RGS16: variants seen among roughly 807,000 people sequenced by gnomAD.
RGS16 encodes the protein regulator of G protein signaling 16, also known as hRGS-r.
Under a neutral mutation model 18.1 loss-of-function variants are expected in RGS16, and 12 were observed. The observed-to-expected ratio is 0.66, with a 90% confidence interval of 0.42 to 1.07. The LOEUF (loss-of-function observed/expected upper bound fraction) is 1.07. RGS16 is among the 50% of genes least tolerant of loss of function. RGS16 has a pLI of 0.00. For missense variants in RGS16, 238 were observed against 249.2 expected (o/e 0.95, Z 0.30); for synonymous variants, 88 against 102.0 (o/e 0.86, Z 0.83).
chr1:182,602,224 AT>A, intron 3 of RGS16, 92 bp from the exon 4 acceptor site: 1 of 1,400,670 alleles, frequency 7.1e-7, no homozygotes, highest in Non-Finnish European at 1.0e-6. Flanking sequence ...TAATGGCTCT[AT>A]TTTTAGAACA....
rs1245306772 is a variant in RGS16 at position 182,599,470 on chromosome 1, CAGAG to C, written c.*818_*821del. The C allele has an allele frequency of 2.6e-5, 4 of 152,542 alleles. No individual in the cohort carries two copies. Among genetic ancestry groups the C allele is most frequent in the Non-Finnish European group, 5.9e-5 (4 of 68,140 alleles). 9.4% of individuals were successfully genotyped at this position (152,542 alleles called of 1,614,324 possible). On this transcript the variant is annotated 3_prime_UTR_variant, in exon 5 of 5. Coordinates refer to ENST00000367558, the MANE Select transcript of RGS16 (RefSeq NM_002928.4). ...TGCCTCCAAGAGACAGCACAGAACT[CAGAG>C]AGGGCACATCCAGGAAGAGGCCCCA...
At chr1:182,603,398 G>A (rs1661899799) in intron 1 of RGS16, 59 bp from the exon 2 acceptor site, 2 of 1,412,166 alleles carry the variant, frequency 1.4e-6, no homozygotes, top group African/African-American at 2.8e-5. Context: ...AGTGTGGAGA[G>A]GTTTATGGGT....
At chr1:182,603,791 G>C (rs72725083) in intron 1 of RGS16, among the ~76,000 whole-genome samples, 1 of 151,574 alleles carries the variant, frequency 6.6e-6, no homozygotes, top group Non-Finnish European at 1.5e-5. Flanking sequence ...TCAACAGTGG[G>C]AGCCCCCACC....
chr1:182,603,184 C>T, intron 2 of RGS16, 45 bp downstream of exon 2: 1 of 1,396,350 alleles, frequency 7.2e-7, no homozygotes, highest in Non-Finnish European at 1.0e-6. Flanking sequence ...ACTCCCTTCC[C>T]ACTCCCTTCC....
intron 2 of RGS16, 70 bp downstream of exon 2, chr1:182,603,159 A>T: frequency 8.9e-7 from 1 of 1,121,808 alleles, no homozygotes; most frequent in Non-Finnish European, 1.4e-6. Flanking sequence ...TTCTCCCTGT[A>T]TTTCCCTCCT....
intron 4 of RGS16, among the ~76,000 whole-genome samples, chr1:182,601,701 G>A (rs1661865193): frequency 6.6e-6 from 1 of 152,172 alleles, no homozygotes; most frequent in African/African-American, 2.4e-5. Flanking sequence ...CTCTAAAAAC[G>A]GATGGGTTTA....
chr1:182,602,314 C>T, intron 3 of RGS16, 106 bp downstream of exon 3: 2 of 1,080,394 alleles, frequency 1.9e-6, no homozygotes, highest in Non-Finnish European at 2.8e-6. Flanking sequence ...ATTATTATTA[C>T]TACTACTATT....
At position 182,600,236 on chromosome 1, in the gene RGS16, C is replaced by A; in HGVS notation, c.*56G>T. The A allele has an allele frequency of 1.4e-6, 2 of 1,461,812 alleles. No homozygotes were observed. Among genetic ancestry groups the A allele is most frequent in the South Asian group, 1.1e-5 (1 of 88,082 alleles). 90.6% of individuals were successfully genotyped at this position (1,461,812 alleles called of 1,614,324 possible). A position where few individuals can be genotyped will look rare whatever the true frequency, so the allele number is the denominator to read the frequency against. ...GCCTCCCACACAGGGGCAGCCACCT[C>A]GGGGATGGGTGACTCAACCTCTCTT... On this transcript the variant is annotated 3_prime_UTR_variant, in exon 5 of 5. Transcript: ENST00000367558.
chr1:182,602,164 C>G lies in RGS16; in HGVS notation c.221-32G>C. The G allele has an allele frequency of 1.9e-6, 3 of 1,609,502 alleles. No homozygotes were observed. The East Asian group carries it at 6.7e-5, about 36-fold the overall frequency. On this transcript the variant is annotated intron_variant, in intron 3 of 4. Transcript: ENST00000367558. ...TTGCGGGAAAGAAGAGGAAATAGGT[C>G]AGCTGGAGGGACAGCAGGGAATACA...
Position 182,600,288 on chromosome 1 carries a change from A to C in RGS16, c.*4T>G. The stretch of plus-strand genomic sequence containing the variant: ...CCGGCTGGCTTCCTCACTGCCGTGG[A>C]GACTCAGGTGTGTGAGGGCTCGTCC... On this transcript the variant is annotated 3_prime_UTR_variant, in exon 5 of 5. Coordinates refer to ENST00000367558, the MANE Select transcript of RGS16 (RefSeq NM_002928.4). 6.2e-7 allele frequency: 1 copy of C among 1,608,358 alleles called. No homozygotes were observed. Among genetic ancestry groups the C allele is most frequent in the South Asian group, 1.1e-5 (1 of 90,952 alleles).
chr1:182,601,341 AT>A (rs1351843052), intron 4 of RGS16, among the ~76,000 whole-genome samples: 21 of 152,292 alleles, frequency 1.4e-4, no homozygotes, highest in African/African-American at 5.1e-4. Context: ...TATAAGTTTC[AT>A]TAGGTAAGGG....
chr1:182,600,600 A>C, intron 4 of RGS16, 87 bp from the exon 5 acceptor site: 1 of 1,072,442 alleles, frequency 9.3e-7, no homozygotes, highest in South Asian at 1.3e-5. Context: ...GGGCATTGGA[A>C]AGAGCATCGG....
Position 182,604,368 on chromosome 1 carries a change from T to C in RGS16, c.-109A>G. The C allele has an allele frequency of 2.5e-6, 3 of 1,177,356 alleles. No homozygotes were observed. The highest frequency in any genetic ancestry group is 3.5e-6 in the Non-Finnish European group (3 of 850,238). The allele number at this position is 1,177,356 out of a possible 1,614,324, so 72.9% of individuals were successfully genotyped here. A position where few individuals can be genotyped will look rare whatever the true frequency, so the allele number is the denominator to read the frequency against. On this transcript the variant is annotated 5_prime_UTR_variant, in exon 1 of 5. Transcript: ENST00000367558. The stretch of plus-strand genomic sequence containing the variant: ...GGTAGCAGGTGCTAGTCAACTGCGG[T>C]TGGGTTTAGCAGCCTGCAAGCGCCC...
chr1:182,600,652 C>A, intron 4 of RGS16, 139 bp from the exon 5 acceptor site: 1 of 678,804 alleles, frequency 1.5e-6, no homozygotes, highest in Non-Finnish European at 2.7e-6. Context: ...TGATCACTAG[C>A]TTTTCAGCTC....
intron 4 of RGS16, 44 bp downstream of exon 4, chr1:182,601,922 C>G: frequency 1.9e-6 from 3 of 1,609,482 alleles, no homozygotes; most frequent in East Asian, 2.2e-5. Flanking sequence ...GGGGAAGGAG[C>G]AGGCAGGGTC....
chr1:182,600,472 G>T lies in RGS16; in HGVS notation c.429C>A (p.Asn143Lys). ...DHETHELTRM[N>K]LQTATATCFD... ...AGCATGTGGCTGTGGCAGTCTGCAGGTTCATCCTCGTCAGCTCGTGGGTCT... is the reference window on the plus strand; with the variant it reads ...AGCATGTGGCTGTGGCAGTCTGCAGTTTCATCCTCGTCAGCTCGTGGGTCT... The change falls in exon 5 of 5, where the codon AAC becomes AAA. Residue 143 changes from asparagine (N) to lysine (K), a missense_variant. Physicochemically the swap from Asn to Lys is moderately conservative, Grantham distance 94. Coordinates refer to ENST00000367558, the MANE Select transcript of RGS16 (RefSeq NM_002928.4). 1.9e-6 allele frequency: 3 copies of T among 1,614,096 alleles called. No individual in the cohort carries two copies. Among genetic ancestry groups the T allele is most frequent in the Non-Finnish European group, 2.5e-6 (3 of 1,179,988 alleles).
chr1:182,600,223 G>C lies in RGS16; in HGVS notation c.*69C>G. On this transcript the variant is annotated 3_prime_UTR_variant, in exon 5 of 5. Coordinates refer to ENST00000367558, the MANE Select transcript of RGS16 (RefSeq NM_002928.4). ...CTTTGCAGAACCTGCCTCCCACACA[G>C]GGGCAGCCACCTCGGGGATGGGTGA... 7.8e-7 allele frequency: 1 copy of C among 1,279,284 alleles called. No homozygotes were observed. Among genetic ancestry groups the C allele is most frequent in the Non-Finnish European group, 1.1e-6 (1 of 902,586 alleles). The allele number at this position is 1,279,284 out of a possible 1,614,324, so 79.2% of individuals were successfully genotyped here.
In RGS16 at chr1:182,602,046, T is replaced by C; in HGVS notation, c.307A>G (p.Lys103Glu). The C allele has an allele frequency of 5.6e-6, 9 of 1,614,158 alleles. No individual in the cohort carries two copies. Among genetic ancestry groups the C allele is most frequent in the Non-Finnish European group, 7.6e-6 (9 of 1,180,020 alleles). Residue 103 changes from lysine (K) to glutamate (E), a missense_variant, in exon 4 of 5, where the codon AAG becomes GAG. Physicochemically the swap from Lys to Glu is moderately conservative, Grantham distance 56. Coordinates refer to ENST00000367558, the MANE Select transcript of RGS16 (RefSeq NM_002928.4). ...EFWLACEEFKKIRSATKLASR... is the reference protein window; with the variant it reads ...EFWLACEEFKEIRSATKLASR... ...GCCAGCTTGGTAGCTGATCGGATCTTCTTGAACTCCTCACAGGCCAGCCAG... is the reference window on the plus strand; with the variant it reads ...GCCAGCTTGGTAGCTGATCGGATCTCCTTGAACTCCTCACAGGCCAGCCAG...
At chr1:182,603,394 G>A (rs1409008313) in intron 1 of RGS16, 55 bp from the exon 2 acceptor site, 1 of 1,480,970 alleles carries the variant, frequency 6.8e-7, no homozygotes, top group African/African-American at 1.4e-5. Flanking sequence ...AGCCAGTGTG[G>A]AGAGGTTTAT....
Sources: allele counts gnomAD v4.1 joint callset (sites outside exome capture counted in the v4.1 genomes callset), GRCh38; gene constraint gnomAD v4.1.1; transcripts MANE v1.5; gene names NCBI Gene and HGNC (gene_info 2026-07-23, HGNC 2026-07-21).